The following NEK1 variants were observed in gnomAD, a reference collection of about 807,000 sequenced individuals.
NEK1 encodes serine/threonine-protein kinase Nek1.
NEK1 carries 137 observed loss-of-function variants against 182.1 expected under a neutral mutation model. That is an observed-to-expected ratio of 0.75 (90% confidence interval 0.65 to 0.87). The LOEUF is 0.87. NEK1 is among the 40% of genes least tolerant of loss of function. The pLI is 0.00. For synonymous variants in NEK1, 513 were observed against 492.2 expected (o/e 1.04, Z -0.56); for missense variants, 1,391 against 1,494.4 (o/e 0.93, Z 1.14).
intron 35 of NEK1, among the ~76,000 whole-genome samples, chr4:169,397,671 T>C (rs1016354124): frequency 2.0e-5 from 3 of 152,212 alleles, no homozygotes; most frequent in Non-Finnish European, 4.4e-5. Flanking sequence ...AAATCTGATA[T>C]TGCTTCCTGA....
At chr4:169,510,837 G>T (rs1402312046) in intron 19 of NEK1, among the ~76,000 whole-genome samples, 1 of 152,026 alleles carries the variant, frequency 6.6e-6, no homozygotes, top group Non-Finnish European at 1.5e-5. Context: ...CTCTTAAGAT[G>T]GGTAACTCTA....
chr4:169,414,948 C>G (rs1301892581), intron 31 of NEK1, among the ~76,000 whole-genome samples: 1 of 152,182 alleles, frequency 6.6e-6, no homozygotes. Context: ...GGCCACCTAA[C>G]CAAACTAGAG....
At chr4:169,609,076 A>AAAG (rs1007052306) in intron 2 of NEK1, among the ~76,000 whole-genome samples, 2 of 151,812 alleles carry the variant, frequency 1.3e-5, no homozygotes, top group African/African-American at 4.8e-5. Flanking sequence ...AAAAAAAAAA[A>AAAG]AAGAAGAAGA....
At chr4:169,406,242 T>C (rs895246501) in intron 32 of NEK1, among the ~76,000 whole-genome samples, 2 of 152,014 alleles carry the variant, frequency 1.3e-5, no homozygotes, top group African/African-American at 2.4e-5. Context: ...AGCTAGGTGA[T>C]AGAGTGACAC....
Position 169,506,156 on chromosome 4 carries a change from A to G in NEK1, c.2007+881T>C, listed in dbSNP as rs147889395. Among the ~76,000 whole-genome samples the G allele has an allele frequency of 9.2e-5, 14 of 152,166 alleles. 1 individual carries two copies. The East Asian group carries it at 1.9e-3, about 21-fold the overall frequency. On this transcript the variant is annotated intron_variant, in intron 23 of 35. Transcript: ENST00000507142. ...AAAAGAGAGCAAATAACTAAGAACA[A>G]TAAGTGTAAAAAGGAGAGTAAAGGG...
At chr4:169,411,429 C>T (rs566577836) in intron 31 of NEK1, among the ~76,000 whole-genome samples, 7 of 152,144 alleles carry the variant, frequency 4.6e-5, no homozygotes, top group African/African-American at 9.6e-5. Flanking sequence ...TGGGTTCAAG[C>T]GACTTTCGGG....
chr4:169,426,131 T>A lies in NEK1; in HGVS notation c.2974+15A>T. 6.3e-7 allele frequency: 1 copy of A among 1,586,806 alleles called. No homozygotes were observed. The highest frequency in any genetic ancestry group is 1.1e-5 in the South Asian group (1 of 89,868). ...ATCTTCCAGAAAGTAATTAGACTAA[T>A]GCAATGATGCTTACCTATATGAATG... On this transcript the variant is annotated intron_variant, in intron 30 of 35. Transcript: ENST00000507142.
At chr4:169,424,492 AG>A in intron 31 of NEK1, 60 bp downstream of exon 31, 1 of 1,482,466 alleles carries the variant, frequency 6.7e-7, no homozygotes, top group African/African-American at 1.4e-5. Context: ...GGTTTATAAA[AG>A]AAAAACAATA....
intron 19 of NEK1, among the ~76,000 whole-genome samples, chr4:169,527,857 TAAAC>T: frequency 6.6e-6 from 1 of 152,112 alleles, no homozygotes; most frequent in Admixed American, 6.5e-5. Context: ...ATGAATTACT[TAAAC>T]ACACCAATGA....
intron 5 of NEK1, among the ~76,000 whole-genome samples, chr4:169,592,285 C>G (rs1055985991): frequency 6.6e-6 from 1 of 152,080 alleles, no homozygotes; most frequent in Non-Finnish European, 1.5e-5. Flanking sequence ...TTTACTACAG[C>G]ACTGTTAGCC....
chr4:169,511,083 TA>T (rs1354589472), intron 19 of NEK1, among the ~76,000 whole-genome samples: 1 of 152,152 alleles, frequency 6.6e-6, no homozygotes, highest in African/African-American at 2.4e-5. Context: ...CTGTTGATCT[TA>T]AACAAAACTG....
intron 19 of NEK1, among the ~76,000 whole-genome samples, chr4:169,515,508 T>G (rs1423764627): frequency 6.6e-6 from 1 of 151,876 alleles, no homozygotes; most frequent in Non-Finnish European, 1.5e-5. Flanking sequence ...TTCTTTTTTT[T>G]TTTTTTATTA....
intron 27 of NEK1, among the ~76,000 whole-genome samples, chr4:169,439,397 TCTTTA>T (rs1304912593): frequency 6.6e-6 from 1 of 152,228 alleles, no homozygotes; most frequent in Non-Finnish European, 1.5e-5. Flanking sequence ...GTTGTTTTAC[TCTTTA>T]CTTCTTTCTA....
chr4:169,580,038 A>G (rs1022154209), intron 11 of NEK1, among the ~76,000 whole-genome samples: 2 of 152,172 alleles, frequency 1.3e-5, no homozygotes, highest in African/African-American at 2.4e-5. Flanking sequence ...CCTCTCACAT[A>G]GATACATCTA....
At chr4:169,546,905 T>G (rs1219255560) in intron 18 of NEK1, among the ~76,000 whole-genome samples, 2 of 152,226 alleles carry the variant, frequency 1.3e-5, no homozygotes, top group African/African-American at 4.8e-5. Context: ...TACAGCACAC[T>G]GATGGGTCTT....
At chr4:169,499,712 G>A (rs1217358592) in intron 23 of NEK1, among the ~76,000 whole-genome samples, 1 of 152,226 alleles carries the variant, frequency 6.6e-6, no homozygotes, top group Non-Finnish European at 1.5e-5. Context: ...CTGCAGAACA[G>A]TGGATATTGG....
chr4:169,396,019 C>G (rs1330792664), intron 35 of NEK1, among the ~76,000 whole-genome samples: 2 of 152,016 alleles, frequency 1.3e-5, no homozygotes, highest in African/African-American at 4.8e-5. Context: ...ATAAACGCAG[C>G]CCAATATTCC....
intron 31 of NEK1, among the ~76,000 whole-genome samples, chr4:169,421,211 G>C (rs1397049934): frequency 2.0e-5 from 3 of 152,104 alleles, no homozygotes; most frequent in Non-Finnish European, 4.4e-5. Context: ...CTCCTTTTCA[G>C]TAATTGATAA....
chr4:169,605,342 ACT>A, intron 2 of NEK1, among the ~76,000 whole-genome samples: 1 of 152,272 alleles, frequency 6.6e-6, no homozygotes, highest in East Asian at 1.9e-4. Flanking sequence ...AAGAAAGATG[ACT>A]CTAATTGCCA....
Sources: gnomAD v4.1 joint callset for allele counts (sites outside exome capture counted in the v4.1 genomes callset) on GRCh38, gnomAD v4.1.1 for gene constraint, MANE v1.5 for transcripts, NCBI Gene and HGNC (gene_info 2026-07-23, HGNC 2026-07-21) for gene names.